IQCB1: variants seen among roughly 807,000 people sequenced by gnomAD.
IQCB1 encodes IQ motif containing B1, also known as IQ calmodulin-binding motif-containing protein 1.
Under a neutral mutation model 84.4 loss-of-function variants are expected in IQCB1, and 56 were observed. That is an observed-to-expected ratio of 0.66 (90% CI 0.54 to 0.83). The LOEUF is 0.83. IQCB1 is among the 40% of genes least tolerant of loss of function. The pLI is 0.00. For missense variants in IQCB1, 629 were observed against 682.1 expected, an observed-to-expected ratio of 0.92 and a Z score of 0.87; for synonymous variants, 210 against 234.8, an observed-to-expected ratio of 0.89 and a Z score of 0.96.
intron 6 of IQCB1, among the ~76,000 whole-genome samples, chr3:121,808,464 T>C (rs1206283787): frequency 6.6e-6 from 1 of 151,956 alleles, no homozygotes; most frequent in Non-Finnish European, 1.5e-5. Context: ...AGAAATATCC[T>C]ATAACTTCCA....
intron 6 of IQCB1, 44 bp downstream of exon 6, chr3:121,808,872 G>A: frequency 8.6e-7 from 1 of 1,156,288 alleles, no homozygotes. Context: ...GTTAGCAGTT[G>A]ACTCTACAAT....
intron 13 of IQCB1, among the ~76,000 whole-genome samples, chr3:121,780,249 C>G (rs1948416954): frequency 2.0e-5 from 3 of 152,194 alleles, no homozygotes; most frequent in Admixed American, 2.0e-4. Context: ...TCTTTCAAGA[C>G]AGTAAGCTGG....
At chr3:121,808,881 A>G (rs1171136573) in intron 6 of IQCB1, 35 bp downstream of exon 6, 1 of 1,267,628 alleles carries the variant, frequency 7.9e-7, no homozygotes, top group Non-Finnish European at 1.2e-6. Flanking sequence ...TGACTCTACA[A>G]TAGCTATTAG....
At chr3:121,820,317 G>A (rs1950228750) in intron 5 of IQCB1, among the ~76,000 whole-genome samples, 1 of 152,010 alleles carries the variant, frequency 6.6e-6, no homozygotes, top group Admixed American at 6.6e-5. Context: ...ATTAAAAATG[G>A]CCTCAACTTC....
At chr3:121,772,220 G>A (rs1335233036) in intron 14 of IQCB1, among the ~76,000 whole-genome samples, 3 of 152,190 alleles carry the variant, frequency 2.0e-5, no homozygotes, top group Non-Finnish European at 4.4e-5. Context: ...CAAGTGAATG[G>A]CACTGTAACT....
intron 7 of IQCB1, among the ~76,000 whole-genome samples, chr3:121,800,906 T>C (rs2108575069): frequency 6.6e-6 from 1 of 152,088 alleles, no homozygotes; most frequent in South Asian, 2.1e-4. Context: ...CCTTGATAAG[T>C]TCATCAGTAT....
chr3:121,811,385 C>G (rs145871362), intron 5 of IQCB1, among the ~76,000 whole-genome samples: 1 of 152,128 alleles, frequency 6.6e-6, no homozygotes, highest in East Asian at 1.9e-4. Context: ...TCTTTTTGTA[C>G]CTCAGTGGTG....
chr3:121,809,057 T>A, intron 5 of IQCB1, 48 bp from the exon 6 acceptor site: 7 of 353,776 alleles, frequency 2.0e-5, no homozygotes, highest in Non-Finnish European at 3.1e-5. Context: ...GTTTTTTTCC[T>A]TTTTTTTTTT....
intron 8 of IQCB1, 150 bp downstream of exon 8, chr3:121,799,045 CT>C (rs898677935): frequency 9.3e-4 from 525 of 562,144 alleles, no homozygotes; most frequent in African/African-American, 1.4e-3. Flanking sequence ...TATATAAAGA[CT>C]TTTTTTTTTC....
At chr3:121,776,316 C>G (rs988751696) in intron 13 of IQCB1, among the ~76,000 whole-genome samples, 13 of 152,258 alleles carry the variant, frequency 8.5e-5, no homozygotes, top group Non-Finnish European at 1.9e-4. Context: ...CATGAGCATT[C>G]ATGTACAAGT....
chr3:121,819,018 C>A (rs757339045), intron 5 of IQCB1, among the ~76,000 whole-genome samples: 1 of 151,814 alleles, frequency 6.6e-6, no homozygotes, highest in South Asian at 2.1e-4. Flanking sequence ...CTTTTTTGCA[C>A]CAGGGACCGG....
At chr3:121,778,979 A>T (rs561189305) in intron 13 of IQCB1, among the ~76,000 whole-genome samples, 41 of 152,198 alleles carry the variant, frequency 2.7e-4, no homozygotes, top group African/African-American at 8.9e-4. Context: ...CGTAACATTT[A>T]AAAATTTTTT....
rs1270549758 is a variant in IQCB1, at chr3:121,797,105, T to C, written c.876+13A>G. ...CAAATATCATGCAATTTTTTTTTTT[T>C]GTAACTTAATACCTGCTCTTCTACT... On this transcript the variant is annotated intron_variant, in intron 9 of 14. Coordinates refer to ENST00000310864, the MANE Select transcript of IQCB1 (RefSeq NM_001023570.4). The C allele has an allele frequency of 7.2e-7, 1 of 1,390,960 alleles. No individual in the cohort carries two copies. The highest frequency in any genetic ancestry group is 1.0e-6 in the Non-Finnish European group (1 of 978,564). The allele number at this position is 1,390,960 out of a possible 1,614,324, so 86.2% of individuals were successfully genotyped here.
intron 5 of IQCB1, among the ~76,000 whole-genome samples, chr3:121,817,159 C>T (rs1463188547): frequency 6.7e-6 from 1 of 149,762 alleles, no homozygotes. Flanking sequence ...AACACAGGAA[C>T]AGAAAACCAA....
intron 7 of IQCB1, among the ~76,000 whole-genome samples, chr3:121,802,389 C>T (rs1345001113): frequency 3.3e-5 from 5 of 151,896 alleles, no homozygotes; most frequent in Non-Finnish European, 7.4e-5. Flanking sequence ...ATAAATTTGT[C>T]CATTTGATCT....
chr3:121,828,989 T>C lies in IQCB1; in HGVS notation c.-12-17A>G, dbSNP rs762774205. 7.3e-7 allele frequency: 1 copy of C among 1,374,208 alleles called. No individual in the cohort carries two copies. Among genetic ancestry groups the C allele is most frequent in the East Asian group, 2.3e-5 (1 of 43,686 alleles). The allele number at this position is 1,374,208 out of a possible 1,614,324, so 85.1% of individuals were successfully genotyped here. On this transcript the variant is annotated splice_polypyrimidine_tract_variant and intron_variant, in intron 2 of 14. Transcript: ENST00000310864. Reference sequence around the variant, plus strand: ...TCTTATTACCTATATTTTAACAGAATCAGAGAATAAAGGTCAAAAAGCCAG... The same window carrying C: ...TCTTATTACCTATATTTTAACAGAACCAGAGAATAAAGGTCAAAAAGCCAG...
chr3:121,789,935 A>G, intron 11 of IQCB1, 138 bp downstream of exon 11: 2 of 737,358 alleles, frequency 2.7e-6, no homozygotes, highest in Non-Finnish European at 4.7e-6. Flanking sequence ...CAGAAGATCT[A>G]ATAAAGTTTA....
chr3:121,773,364 C>T (rs77790376), intron 13 of IQCB1, among the ~76,000 whole-genome samples: 25,049 of 144,844 alleles, frequency 0.17, 2,695 homozygotes, highest in Middle Eastern at 0.3. Context: ...GGTGTAACAA[C>T]GCCAATCCCT....
chr3:121,795,236 G>A (rs1453850650), intron 10 of IQCB1, among the ~76,000 whole-genome samples: 1 of 151,928 alleles, frequency 6.6e-6, no homozygotes, highest in Non-Finnish European at 1.5e-5. Context: ...CTTATTAAGT[G>A]GATAGGATTG....
Sources: allele counts gnomAD v4.1 joint callset (sites outside exome capture counted in the v4.1 genomes callset), GRCh38; gene constraint gnomAD v4.1.1; transcripts MANE v1.5; gene names NCBI Gene and HGNC (gene_info 2026-07-23, HGNC 2026-07-21).